Variants in BCL11B observed in about 807,000 individuals in gnomAD.
BCL11B encodes BCL11 transcription factor B, also known as B-cell lymphoma/leukemia 11B.
In BCL11B, 8 loss-of-function variants were observed where a neutral mutation model predicts 49.9. That is an observed-to-expected ratio of 0.16 (90% CI 0.09 to 0.29). The LOEUF is 0.29. Ranked by LOEUF, BCL11B falls within the 10% of genes least tolerant of loss-of-function variation. The probability of loss-of-function intolerance (pLI) is 1.00; values close to 1 mark genes in which losing one functional copy is unlikely to be tolerated. For synonymous variants in BCL11B, 739 were observed against 637.4 expected (o/e 1.16, Z -2.40); for missense variants, 1,006 against 1,351.0 (o/e 0.74, Z 4.00).
chr14:99,197,824 C>T (rs1887221841), intron 3 of BCL11B, among the ~76,000 whole-genome samples: 1 of 152,164 alleles, frequency 6.6e-6, no homozygotes, highest in South Asian at 2.1e-4. Context: ...ACCAAGTGTC[C>T]CCCTTTCTGG....
intron 3 of BCL11B, among the ~76,000 whole-genome samples, chr14:99,221,246 A>G (rs965561048): frequency 1.3e-5 from 2 of 152,218 alleles, no homozygotes; most frequent in African/African-American, 4.8e-5. Flanking sequence ...TTGAGTCAGA[A>G]CTGGTTAAAT....
At chr14:99,256,969 C>T (rs962981276) in intron 2 of BCL11B, among the ~76,000 whole-genome samples, 2 of 152,152 alleles carry the variant, frequency 1.3e-5, no homozygotes, top group Non-Finnish European at 2.9e-5. Context: ...AGAATGAGCA[C>T]TCCCATTCCT....
chr14:99,180,551 T>G (rs570139031), intron 3 of BCL11B, among the ~76,000 whole-genome samples: 1 of 152,232 alleles, frequency 6.6e-6, no homozygotes, highest in South Asian at 2.1e-4. Context: ...AGGAATTCAG[T>G]CAATTCATTT....
intron 2 of BCL11B, among the ~76,000 whole-genome samples, chr14:99,238,359 T>G (rs956189607): frequency 6.6e-6 from 1 of 152,162 alleles, no homozygotes; most frequent in Admixed American, 6.5e-5. Context: ...GGCACACCCC[T>G]TCCCCAGGTC....
Position 99,205,221 on chromosome 14 carries a change from C to T in BCL11B, c.640+26124G>A, listed in dbSNP as rs1440748246. Among the ~76,000 whole-genome samples, 1 of 152,124 alleles carries T rather than the reference C, an allele frequency of 6.6e-6. No homozygotes were observed. Among genetic ancestry groups the T allele is most frequent in the Non-Finnish European group, 1.5e-5 (1 of 68,026 alleles). ...CCTGGGCTGTCAAGAGAGAATTCTA[C>T]AGCTGGTAGTGATGACGGCTCCATC... On this transcript the variant is annotated intron_variant, in intron 3 of 3. Transcript: ENST00000357195. This position sits in a 1 kb window ranked among gnomAD's most constrained non-coding sequence, Gnocchi z 5.0.
At chr14:99,249,569 G>A (rs965132316) in intron 2 of BCL11B, among the ~76,000 whole-genome samples, 3 of 152,190 alleles carry the variant, frequency 2.0e-5, no homozygotes, top group South Asian at 2.1e-4. Context: ...TACCACCCTC[G>A]TGGGGCAGAG....
At chr14:99,239,803 A>T (rs184478817) in intron 2 of BCL11B, among the ~76,000 whole-genome samples, 1 of 152,222 alleles carries the variant, frequency 6.6e-6, no homozygotes, top group African/African-American at 2.4e-5. Flanking sequence ...ATGAACTCCA[A>T]TGCTGGCTTT....
chr14:99,222,873 CCTTT>C (rs1453728725), intron 3 of BCL11B, among the ~76,000 whole-genome samples: 14 of 150,784 alleles, frequency 9.3e-5, no homozygotes, highest in African/African-American at 2.7e-4. Context: ...TTCTTTCCTT[CCTTT>C]CTTTCCTTTC....
intron 3 of BCL11B, among the ~76,000 whole-genome samples, chr14:99,209,665 C>T (rs1447329027): frequency 6.6e-6 from 1 of 152,134 alleles, no homozygotes; most frequent in African/African-American, 2.4e-5. Flanking sequence ...TGCAGGAAGA[C>T]AGGAGAGCTA....
chr14:99,195,348 C>T lies in BCL11B; in HGVS notation c.641-19153G>A, dbSNP rs1178865827. The stretch of plus-strand genomic sequence containing the variant: ...CCAGGGCTCTCCAGTATTCCCCACA[C>T]CTCCTCTGTGGGGCTCCCCCAGCAC... On this transcript the variant is annotated intron_variant, in intron 3 of 3. Coordinates refer to ENST00000357195, the MANE Select transcript of BCL11B (RefSeq NM_138576.4). This position sits in a 1 kb window ranked among gnomAD's most constrained non-coding sequence, Gnocchi z 4.7. 3.3e-5 allele frequency among the ~76,000 whole-genome samples: 5 copies of T among 152,108 alleles called. No homozygotes were observed. Among genetic ancestry groups the T allele is most frequent in the African/African-American group, 9.7e-5 (4 of 41,418 alleles).
intron 1 of BCL11B, among the ~76,000 whole-genome samples, chr14:99,258,560 A>G (rs894191884): frequency 2.0e-5 from 3 of 152,238 alleles, no homozygotes; most frequent in African/African-American, 7.2e-5. Flanking sequence ...CCACATGCTC[A>G]GAAAGCAACA....
chr14:99,172,117 ATTT>A lies in BCL11B; in HGVS notation c.*2031_*2033del, dbSNP rs1421267191. On this transcript the variant is annotated 3_prime_UTR_variant, in exon 4 of 4. Coordinates refer to ENST00000357195, the MANE Select transcript of BCL11B (RefSeq NM_138576.4). ...TGTATGTACCCAATACTGTAAACGT[ATTT>A]TTAAGACAGAGTGCACTAAATTTAA... 1 of 221,402 alleles carries A rather than the reference ATTT, an allele frequency of 4.5e-6. No individual in the cohort carries two copies. The highest frequency in any genetic ancestry group is 9.0e-6 in the Non-Finnish European group (1 of 110,520). The allele number at this position is 221,402 out of a possible 1,614,324, so 13.7% of individuals were successfully genotyped here.
At chr14:99,246,063 C>A (rs1431806429) in intron 2 of BCL11B, among the ~76,000 whole-genome samples, 1 of 151,908 alleles carries the variant, frequency 6.6e-6, no homozygotes, top group African/African-American at 2.4e-5. Context: ...TCACTGCATG[C>A]CCCCCGCCCC....
rs1889675823 is a variant in BCL11B at position 99,271,300 on chromosome 14, G to GCCGCTGCCA, written c.-83_-82insTGGCAGCGG. On this transcript the variant is annotated 5_prime_UTR_variant, in exon 1 of 4. Coordinates refer to ENST00000357195, the MANE Select transcript of BCL11B (RefSeq NM_138576.4). ...GGGAGGGGGTCCGAGCCGCCGCCGC[G>GCCGCTGCCA]CCGCTGCCGCCGCTGCCGCCGCCGC... is the stretch of plus-strand genomic sequence containing the variant. 3 of 818,176 alleles carry GCCGCTGCCA rather than the reference G, an allele frequency of 3.7e-6. No individual in the cohort carries two copies. The highest frequency in any genetic ancestry group is 9.4e-5 in the Admixed American group (2 of 21,186). 50.7% of individuals were successfully genotyped at this position (818,176 alleles called of 1,614,324 possible).
chr14:99,206,937 G>C (rs538630262), intron 3 of BCL11B, among the ~76,000 whole-genome samples: 209 of 152,144 alleles, frequency 1.4e-3, no homozygotes, highest in Non-Finnish European at 2.5e-3. Flanking sequence ...TTCACTATCT[G>C]GTATTTATCA....
chr14:99,232,440 C>A lies in BCL11B; in HGVS notation c.428-883G>T, dbSNP rs1483722052. On this transcript the variant is annotated intron_variant, in intron 2 of 3. Coordinates refer to ENST00000357195, the MANE Select transcript of BCL11B (RefSeq NM_138576.4). The surrounding 1 kb of genome is among the most constrained non-coding windows in gnomAD (Gnocchi z 5.1). ...TTGCCAAAACCACAAGTGAAGAAGCCCAAATTCCCTGGGTAAATAATTGAG... is the reference window on the plus strand; with the variant it reads ...TTGCCAAAACCACAAGTGAAGAAGCACAAATTCCCTGGGTAAATAATTGAG... Among the ~76,000 whole-genome samples the A allele has an allele frequency of 1.3e-5, 2 of 152,198 alleles. No individual in the cohort carries two copies. The highest frequency in any genetic ancestry group is 4.8e-5 in the African/African-American group (2 of 41,458).
At chr14:99,227,221 C>G (rs1474969310) in intron 3 of BCL11B, among the ~76,000 whole-genome samples, 1 of 152,216 alleles carries the variant, frequency 6.6e-6, no homozygotes, top group Non-Finnish European at 1.5e-5. Flanking sequence ...TGAGACCTGA[C>G]AGAGTCTCAA....
intron 1 of BCL11B, among the ~76,000 whole-genome samples, chr14:99,261,215 GC>G (rs1889327872): frequency 6.6e-6 from 1 of 152,184 alleles, no homozygotes; most frequent in African/African-American, 2.4e-5. Context: ...GACCAAGTGG[GC>G]CTGAAAGCTC....
chr14:99,226,223 A>C (rs1595263389), intron 3 of BCL11B, among the ~76,000 whole-genome samples: 1 of 152,212 alleles, frequency 6.6e-6, no homozygotes, highest in East Asian at 1.9e-4. Context: ...CCCCATCAAC[A>C]CTAGGACCTG....
Sources: gnomAD v4.1 joint callset for allele counts (sites outside exome capture counted in the v4.1 genomes callset) on GRCh38, gnomAD v4.1.1 for gene constraint, Gnocchi (gnomAD v3.1) non-coding constraint, MANE v1.5 for transcripts, NCBI Gene and HGNC (gene_info 2026-07-23, HGNC 2026-07-21) for gene names.